DGKB: variants seen among roughly 807,000 people sequenced by gnomAD.
The protein encoded by DGKB is 90 kDa diacylglycerol kinase.
In DGKB, 67 loss-of-function variants were observed where a neutral mutation model predicts 114.3. The observed-to-expected ratio is 0.59, with a 90% CI of 0.48 to 0.72. The LOEUF (loss-of-function observed/expected upper bound fraction) is 0.72. Among genes scored for constraint, DGKB ranks in the 30% least tolerant of loss-of-function variants. DGKB has a pLI of 0.00. For missense variants in DGKB, 907 were observed against 975.2 expected (o/e 0.93, Z 0.93); for synonymous variants, 398 against 323.1 (o/e 1.23, Z -2.49).
At chr7:14,937,367 T>C (rs1785328101) in intron 1 of DGKB, among the ~76,000 whole-genome samples, 1 of 152,036 alleles carries the variant, frequency 6.6e-6, no homozygotes, top group African/African-American at 2.4e-5. Context: ...AGAATCCAGG[T>C]ACATTGCATA....
chr7:14,380,917 C>A (rs1001044071), intron 21 of DGKB, among the ~76,000 whole-genome samples: 2 of 152,148 alleles, frequency 1.3e-5, no homozygotes, highest in African/African-American at 4.8e-5. Context: ...AGGAACTATG[C>A]AGATGTAATT....
Position 14,146,285 on chromosome 7 carries a change from A to G in DGKB, c.*2846T>C, listed in dbSNP as rs918323309. On this transcript the variant is annotated 3_prime_UTR_variant, in exon 26 of 26. Transcript: ENST00000402815. ...GCGTGGATATCAAGGTTTACTCTGA[A>G]ATGTCTCTCTGGAATCTCATCAACT... 1 of 152,178 alleles carries G rather than the reference A, an allele frequency of 6.6e-6. No homozygotes were observed. Among genetic ancestry groups the G allele is most frequent in the African/African-American group, 2.4e-5 (1 of 41,436 alleles). The allele number at this position is 152,178 out of a possible 1,614,324, so 9.4% of individuals were successfully genotyped here. A position where few individuals can be genotyped will look rare whatever the true frequency, so the allele number is the denominator to read the frequency against.
chr7:14,575,649 T>C (rs1457865050), intron 19 of DGKB, among the ~76,000 whole-genome samples: 1 of 152,224 alleles, frequency 6.6e-6, no homozygotes, highest in Non-Finnish European at 1.5e-5. Context: ...CTGATGATGA[T>C]ACCATCAGAA....
At chr7:14,919,190 C>G (rs1355781301) in intron 1 of DGKB, among the ~76,000 whole-genome samples, 1 of 150,886 alleles carries the variant, frequency 6.6e-6, no homozygotes, top group Non-Finnish European at 1.5e-5. Flanking sequence ...AAAACAAAGT[C>G]GGAGGACTGA....
intron 23 of DGKB, among the ~76,000 whole-genome samples, chr7:14,248,861 G>C (rs1004969246): frequency 4.6e-5 from 7 of 152,072 alleles, no homozygotes; most frequent in African/African-American, 1.7e-4. Flanking sequence ...CTGATTAGGA[G>C]TTCCTATATG....
At chr7:14,580,187 T>G (rs1177523102) in intron 19 of DGKB, among the ~76,000 whole-genome samples, 1 of 152,200 alleles carries the variant, frequency 6.6e-6, no homozygotes, top group African/African-American at 2.4e-5. Flanking sequence ...TTGAACTCAA[T>G]GTTCCCTCCG....
chr7:14,808,529 T>C (rs890800695), intron 2 of DGKB, among the ~76,000 whole-genome samples: 10 of 152,036 alleles, frequency 6.6e-5, no homozygotes, highest in African/African-American at 2.4e-4. Context: ...GTTTCAAGGA[T>C]AGAATAAGGA....
intron 21 of DGKB, among the ~76,000 whole-genome samples, chr7:14,389,418 G>A (rs1820963825): frequency 6.6e-6 from 1 of 152,180 alleles, no homozygotes; most frequent in African/African-American, 2.4e-5. Context: ...TTCAAAAGAA[G>A]AGTAGCTGAA....
At chr7:14,211,307 T>C (rs1237835789) in intron 23 of DGKB, among the ~76,000 whole-genome samples, 2 of 108,108 alleles carry the variant, frequency 1.8e-5, no homozygotes, top group Non-Finnish European at 3.4e-5. Context: ...TTTACTCTCA[T>C]GTTTTGTGAT....
At chr7:14,317,538 G>A (rs1806821074) in intron 23 of DGKB, among the ~76,000 whole-genome samples, 2 of 151,628 alleles carry the variant, frequency 1.3e-5, no homozygotes, top group South Asian at 2.1e-4. Context: ...ATTCACAATT[G>A]CTTCAAAGAG....
At chr7:14,185,721 C>A (rs182906013) in intron 23 of DGKB, among the ~76,000 whole-genome samples, 1 of 152,230 alleles carries the variant, frequency 6.6e-6, no homozygotes, top group Non-Finnish European at 1.5e-5. Flanking sequence ...CCAAATACTA[C>A]AGCCAACTGA....
At chr7:14,509,971 G>A (rs1027443367) in intron 20 of DGKB, among the ~76,000 whole-genome samples, 3 of 152,106 alleles carry the variant, frequency 2.0e-5, no homozygotes, top group Non-Finnish European at 2.9e-5. Context: ...GTCAGGAGAT[G>A]GAGACCATCC....
At chr7:14,561,474 A>T (rs941812546) in intron 20 of DGKB, among the ~76,000 whole-genome samples, 4 of 152,204 alleles carry the variant, frequency 2.6e-5, no homozygotes, top group African/African-American at 7.2e-5. Context: ...ATAGAGTGAC[A>T]GGCAGAAGAT....
chr7:14,515,384 G>A (rs973534210), intron 20 of DGKB, among the ~76,000 whole-genome samples: 2 of 152,154 alleles, frequency 1.3e-5, no homozygotes, highest in Non-Finnish European at 2.9e-5. Context: ...AAAGTTGTTT[G>A]CATTGAGATG....
intron 21 of DGKB, among the ~76,000 whole-genome samples, chr7:14,396,852 T>G (rs996909898): frequency 6.6e-6 from 1 of 152,148 alleles, no homozygotes; most frequent in African/African-American, 2.4e-5. Context: ...GATCTCTGAA[T>G]AAAAGAGGCA....
intron 2 of DGKB, among the ~76,000 whole-genome samples, chr7:14,791,858 G>GTCATCC (rs1840708757): frequency 6.6e-6 from 1 of 152,086 alleles, no homozygotes; most frequent in African/African-American, 2.4e-5. Context: ...CCTTTTGAAA[G>GTCATCC]TCATCCATCT....
At chr7:14,847,690 A>G (rs978594688) in intron 1 of DGKB, among the ~76,000 whole-genome samples, 2 of 152,262 alleles carry the variant, frequency 1.3e-5, no homozygotes, top group South Asian at 4.1e-4. Context: ...GTGATAAGTT[A>G]TATGAAAAAA....
At chr7:14,625,504 T>C (rs1159261846) in intron 14 of DGKB, among the ~76,000 whole-genome samples, 1 of 138,640 alleles carries the variant, frequency 7.2e-6, no homozygotes, top group Non-Finnish European at 1.6e-5. Flanking sequence ...TAATTACCAA[T>C]GTTGAAGTTA....
chr7:14,473,587 A>G (rs1293727744), intron 21 of DGKB, among the ~76,000 whole-genome samples: 1 of 152,152 alleles, frequency 6.6e-6, no homozygotes, highest in Admixed American at 6.5e-5. Context: ...AGACCCCAGA[A>G]TGATAGATCC....
Sources: gnomAD v4.1 joint callset for allele counts (sites outside exome capture counted in the v4.1 genomes callset) on GRCh38, gnomAD v4.1.1 for gene constraint, MANE v1.5 for transcripts, NCBI Gene and HGNC (gene_info 2026-07-23, HGNC 2026-07-21) for gene names.